Variants in PCDHGA4 observed in about 807,000 individuals in gnomAD.
PCDHGA4 encodes the protein protocadherin gamma-A4.
In PCDHGA4, 38 loss-of-function variants were observed where a neutral mutation model predicts 54.6. The ratio of observed to expected loss-of-function variants is 0.70; its 90% confidence interval spans 0.54 to 0.91. The LOEUF (loss-of-function observed/expected upper bound fraction) is 0.91. Ranked by LOEUF, PCDHGA4 falls within the 40% of genes least tolerant of loss-of-function variation. PCDHGA4 has a pLI of 0.00. For missense variants in PCDHGA4, 1,298 were observed against 1,220.9 expected (o/e 1.06, Z -0.94); for synonymous variants, 511 against 512.9 (o/e 1.00, Z 0.05).
At position 141,422,501 on chromosome 5, in the gene PCDHGA4, C is replaced by T. The variant is rs1343881573; in HGVS notation, c.2514+64880C>T. On this transcript the variant is annotated intron_variant, in intron 1 of 3. Coordinates refer to ENST00000571252, the MANE Select transcript of PCDHGA4 (RefSeq NM_018917.4). ...CAGAGCTACAATATAACGTTGACAGCCACAGACCAGGGAAGCCCGCCTTTG... is the reference window on the plus strand; with the variant it reads ...CAGAGCTACAATATAACGTTGACAGTCACAGACCAGGGAAGCCCGCCTTTG... 9.3e-6 allele frequency: 15 copies of T among 1,613,810 alleles called. No individual in the cohort carries two copies. The highest frequency in any genetic ancestry group is 1.3e-5 in the Non-Finnish European group (15 of 1,179,872).
Position 141,355,027 on chromosome 5 carries a change from A to G in PCDHGA4, c.-81A>G. On this transcript the variant is annotated 5_prime_UTR_variant, in exon 1 of 4. Transcript: ENST00000571252. ...ACAAACCAGAAATTTAATCAGAATCACAAGATTTCTGCAGCACAAAGCACT... is the reference window on the plus strand; with the variant it reads ...ACAAACCAGAAATTTAATCAGAATCGCAAGATTTCTGCAGCACAAAGCACT... 1 of 956,224 alleles carries G rather than the reference A, an allele frequency of 1.0e-6. No individual in the cohort carries two copies. Among genetic ancestry groups the G allele is most frequent in the Non-Finnish European group, 1.5e-6 (1 of 686,680 alleles). 59.2% of individuals were successfully genotyped at this position (956,224 alleles called of 1,614,324 possible).
Position 141,430,964 on chromosome 5 carries a change from A to G in PCDHGA4, c.2515-63843A>G, listed in dbSNP as rs547574367. The G allele has an allele frequency of 7.3e-5, 117 of 1,612,860 alleles. No homozygotes were observed. The South Asian group carries it at 1.2e-3, about 17-fold the overall frequency. On this transcript the variant is annotated intron_variant, in intron 1 of 3. Coordinates refer to ENST00000571252, the MANE Select transcript of PCDHGA4 (RefSeq NM_018917.4). The stretch of plus-strand genomic sequence containing the variant: ...GGAGCGCGGAGTCCGCATCATCCCC[A>G]GAGGTAGGACGCAGCTTTTCGCCCT...
intron 1 of PCDHGA4, chr5:141,378,729 T>A (rs769149282): frequency 6.6e-6 from 1 of 152,216 alleles, no homozygotes; most frequent in East Asian, 1.9e-4. Flanking sequence ...GAACTCTTTA[T>A]TGAAATATTT....
In PCDHGA4 at chr5:141,372,328, C is replaced by A. The variant is rs1170186099; in HGVS notation, c.2514+14707C>A. ...GCCGCCCGCCAGCGCCTGCTGGTCA[C>A]TGTGCGTGATGGAGGACAGCAGCCT... On this transcript the variant is annotated intron_variant, in intron 1 of 3. Coordinates refer to ENST00000571252, the MANE Select transcript of PCDHGA4 (RefSeq NM_018917.4). 4 of 1,613,626 alleles carry A rather than the reference C, an allele frequency of 2.5e-6. No homozygotes were observed. In the South Asian group the frequency reaches 4.4e-5, roughly 18 times the overall value.
intron 1 of PCDHGA4, among the ~76,000 whole-genome samples, chr5:141,359,276 A>G (rs1344985076): frequency 6.6e-6 from 1 of 152,168 alleles, no homozygotes; most frequent in Non-Finnish European, 1.5e-5. Flanking sequence ...GAAATGCTCA[A>G]TTGGTCTGAA....
chr5:141,415,163 C>A, intron 1 of PCDHGA4: 1 of 1,613,856 alleles, frequency 6.2e-7, no homozygotes. Flanking sequence ...GCCACTGTCA[C>A]GCTCACCGTG....
intron 1 of PCDHGA4, among the ~76,000 whole-genome samples, chr5:141,456,179 A>G (rs1161415053): frequency 6.6e-6 from 1 of 151,860 alleles, no homozygotes; most frequent in Non-Finnish European, 1.5e-5. Context: ...TTACAGAATA[A>G]TTTCTTAATA....
rs775051431 is a variant in PCDHGA4, at chr5:141,376,309, C to T, written c.2514+18688C>T. 2.5e-6 allele frequency: 4 copies of T among 1,614,030 alleles called. No individual in the cohort carries two copies. The East Asian group carries it at 6.7e-5, about 27-fold the overall frequency. On this transcript the variant is annotated intron_variant, in intron 1 of 3. Transcript: ENST00000571252. Reference sequence around the variant, plus strand: ...GCATGCCCGGCTCGCACTTTGTGGGCGTGGAAGGGGTTCGGGCTTTCCTGC... The same window carrying T: ...GCATGCCCGGCTCGCACTTTGTGGGTGTGGAAGGGGTTCGGGCTTTCCTGC...
At chr5:141,401,417 G>A (rs1404967672) in intron 1 of PCDHGA4, among the ~76,000 whole-genome samples, 1 of 152,136 alleles carries the variant, frequency 6.6e-6, no homozygotes, top group Non-Finnish European at 1.5e-5. Flanking sequence ...GAAAGAGAGA[G>A]ACTGATTCAC....
chr5:141,509,303 G>A (rs911736752), intron 3 of PCDHGA4, among the ~76,000 whole-genome samples: 1 of 152,210 alleles, frequency 6.6e-6, no homozygotes, highest in Admixed American at 6.5e-5. Context: ...GGAGGCAGAG[G>A]GAGGCTGGGA....
intron 1 of PCDHGA4, among the ~76,000 whole-genome samples, chr5:141,464,689 TATTATGA>T (rs1378742227): frequency 4.6e-5 from 7 of 152,182 alleles, no homozygotes; most frequent in Admixed American, 2.6e-4. Context: ...AAATTTCTCT[TATTATGA>T]ATGAGGTTAA....
chr5:141,420,123 G>A (rs1335693841), intron 1 of PCDHGA4: 1 of 1,613,968 alleles, frequency 6.2e-7, no homozygotes, highest in Non-Finnish European at 8.5e-7. Flanking sequence ...TATAATTTTT[G>A]TGTGCCTGGG....
chr5:141,414,123 C>T (rs1328389134), intron 1 of PCDHGA4: 1 of 1,592,532 alleles, frequency 6.3e-7, no homozygotes. Flanking sequence ...ATGAAGAAAC[C>T]GGTTTCTATG....
intron 1 of PCDHGA4, chr5:141,408,823 T>G: frequency 4.3e-6 from 7 of 1,613,568 alleles, no homozygotes; most frequent in Non-Finnish European, 5.9e-6. Flanking sequence ...AACAGAGATC[T>G]CATAGCTTGA....
intron 2 of PCDHGA4, among the ~76,000 whole-genome samples, chr5:141,504,039 AC>A (rs1396515708): frequency 6.6e-6 from 1 of 152,184 alleles, no homozygotes; most frequent in African/African-American, 2.4e-5. Context: ...CATTTAGGCA[AC>A]AAATATTTAT....
At chr5:141,382,840 A>C in intron 1 of PCDHGA4, 1 of 1,450,368 alleles carries the variant, frequency 6.9e-7, no homozygotes, top group Admixed American at 2.3e-5. Flanking sequence ...CCACCCGGAT[A>C]CACCCGCATT....
chr5:141,398,557 G>A, intron 1 of PCDHGA4: 1 of 1,613,916 alleles, frequency 6.2e-7, no homozygotes. Flanking sequence ...GCAAATAAGT[G>A]AGTCTGCACA....
Position 141,390,134 on chromosome 5 carries a change from C to T in PCDHGA4, c.2514+32513C>T, listed in dbSNP as rs758087998. ...GCGAGGGGACTTTGCCTTATTCCTACAATCTATGTGTTGCACATACAGGAA... is the reference window on the plus strand; with the variant it reads ...GCGAGGGGACTTTGCCTTATTCCTATAATCTATGTGTTGCACATACAGGAA... On this transcript the variant is annotated intron_variant, in intron 1 of 3. Coordinates refer to ENST00000571252, the MANE Select transcript of PCDHGA4 (RefSeq NM_018917.4). The T allele has an allele frequency of 1.2e-5, 20 of 1,613,930 alleles. No homozygotes were observed. The Admixed American group carries it at 1.8e-4, about 15-fold the overall frequency.
intron 1 of PCDHGA4, chr5:141,411,535 G>C (rs945278706): frequency 6.6e-6 from 1 of 152,274 alleles, no homozygotes; most frequent in Non-Finnish European, 1.5e-5. Context: ...AGTGAGCCCT[G>C]ATCTTGCCAC....
Sources: gnomAD v4.1 joint callset for allele counts (sites outside exome capture counted in the v4.1 genomes callset) on GRCh38, gnomAD v4.1.1 for gene constraint, MANE v1.5 for transcripts, NCBI Gene and HGNC (gene_info 2026-07-23, HGNC 2026-07-21) for gene names.